Variants in SPECC1 observed in about 807,000 individuals in gnomAD.
SPECC1 encodes the protein cytospin-B.
A neutral mutation model predicts 104.1 loss-of-function variants in SPECC1; 62 were observed. The observed-to-expected ratio is 0.60, with a 90% CI of 0.49 to 0.74. The LOEUF (loss-of-function observed/expected upper bound fraction) is 0.74. SPECC1 is among the 30% of genes least tolerant of loss of function. SPECC1 has a pLI of 0.00. For synonymous variants in SPECC1, 513 were observed against 501.6 expected (o/e 1.02, Z -0.30); for missense variants, 1,306 against 1,310.5 (o/e 1.00, Z 0.05).
At chr17:20,060,422 G>A (rs2046141772) in intron 1 of SPECC1, among the ~76,000 whole-genome samples, 1 of 152,152 alleles carries the variant, frequency 6.6e-6, no homozygotes, top group South Asian at 2.1e-4. Context: ...TGAGGCAGGA[G>A]GTTTGTTTGA....
At chr17:20,247,401 CGT>C (rs1323123118) in intron 9 of SPECC1, 82 bp downstream of exon 9, 4 of 942,288 alleles carry the variant, frequency 4.2e-6, no homozygotes, top group Non-Finnish European at 6.7e-6. Context: ...TATTAGTGTC[CGT>C]GTGTGTATGT....
Position 20,181,769 on chromosome 17 carries a change from A to G in SPECC1, c.284-22564A>G, listed in dbSNP as rs117036586. On this transcript the variant is annotated intron_variant, in intron 3 of 14. Transcript: ENST00000395527. Reference sequence around the variant, plus strand: ...CATTGGAACGTGAAAAAAAAATTCAATTCACAAATACCATAAAATATCTAG... The same window carrying G: ...CATTGGAACGTGAAAAAAAAATTCAGTTCACAAATACCATAAAATATCTAG... 9.2e-3 allele frequency among the ~76,000 whole-genome samples: 1,404 copies of G among 152,310 alleles called. 16 individuals are homozygous for G. Among genetic ancestry groups the G allele is most frequent in the Non-Finnish European group, 0.014 (952 of 68,012 alleles).
chr17:20,217,053 G>T (rs2037536409), intron 4 of SPECC1, among the ~76,000 whole-genome samples: 1 of 152,152 alleles, frequency 6.6e-6, no homozygotes, highest in Non-Finnish European at 1.5e-5. Flanking sequence ...GACCAGCAAT[G>T]TGAATAGGGC....
At chr17:20,048,235 G>A (rs910205434) in intron 1 of SPECC1, among the ~76,000 whole-genome samples, 1 of 150,930 alleles carries the variant, frequency 6.6e-6, no homozygotes, top group African/African-American at 2.4e-5. Context: ...CTGGGTTCAC[G>A]CCATTCTCCT....
chr17:20,205,243 A>T lies in SPECC1; in HGVS notation c.1194A>T (p.Leu398Phe). The change falls in exon 4 of 15, where the codon TTA becomes TTT. Residue 398 changes from leucine (L) to phenylalanine (F), a missense_variant. Physicochemically the swap from Leu to Phe is conservative, Grantham distance 22. Around this residue, in one of 2 missense-constraint regions of SPECC1, gnomAD observed 1,177 missense variants for 1,139.9 expected, o/e 1.03. Transcript: ENST00000395527. ...AEELQATLQE[L>F]SDQQQMVQEL... is the part of the protein sequence containing the mutation. Reference sequence around the variant, plus strand: ...AACTACAGGCTACTCTACAAGAATTATCAGACCAGCAACAAATGGTACAGG... The same window carrying T: ...AACTACAGGCTACTCTACAAGAATTTTCAGACCAGCAACAAATGGTACAGG... 1 of 1,614,180 alleles carries T rather than the reference A, an allele frequency of 6.2e-7. No homozygotes were observed. The highest frequency in any genetic ancestry group is 8.5e-7 in the Non-Finnish European group (1 of 1,180,036).
intron 3 of SPECC1, among the ~76,000 whole-genome samples, chr17:20,145,781 C>T (rs2031396469): frequency 6.6e-6 from 1 of 152,066 alleles, no homozygotes; most frequent in South Asian, 2.1e-4. Flanking sequence ...CCCTGGCAGG[C>T]AGGAAGGAAG....
intron 3 of SPECC1, among the ~76,000 whole-genome samples, chr17:20,181,338 T>A (rs995745590): frequency 6.6e-5 from 10 of 151,948 alleles, no homozygotes; most frequent in Non-Finnish European, 1.2e-4. Context: ...GTAGAGAAGA[T>A]AAATAAGAAC....
At chr17:20,205,953 G>A (rs774007512) in intron 4 of SPECC1, 41 bp downstream of exon 4, 2 of 1,563,448 alleles carry the variant, frequency 1.3e-6, no homozygotes, top group Non-Finnish European at 1.7e-6. Flanking sequence ...GCTCATCCTT[G>A]TTCACATTTC....
chr17:20,277,468 C>T (rs773384864), intron 12 of SPECC1, among the ~76,000 whole-genome samples: 1 of 152,140 alleles, frequency 6.6e-6, no homozygotes, highest in Non-Finnish European at 1.5e-5. Context: ...AAATGAAGTT[C>T]ACTTAGCTCC....
intron 12 of SPECC1, among the ~76,000 whole-genome samples, chr17:20,294,351 A>T (rs914249779): frequency 6.6e-6 from 1 of 152,122 alleles, no homozygotes; most frequent in African/African-American, 2.4e-5. Flanking sequence ...ATCCCGATGG[A>T]GGAGCTTCTT....
intron 7 of SPECC1, 21 bp downstream of exon 7, chr17:20,232,426 G>A (rs1567967863): frequency 1.9e-6 from 3 of 1,583,108 alleles, no homozygotes; most frequent in East Asian, 2.3e-5. Flanking sequence ...TGGGCACCAG[G>A]GCCGTGCTTG....
chr17:20,024,157 A>T (rs190783522), intron 1 of SPECC1, among the ~76,000 whole-genome samples: 1 of 152,360 alleles, frequency 6.6e-6, no homozygotes, highest in East Asian at 1.9e-4. Flanking sequence ...GTAGCTATAT[A>T]ATCGTCTTGA....
chr17:20,015,959 C>A (rs1226518352), intron 1 of SPECC1, among the ~76,000 whole-genome samples: 1 of 149,488 alleles, frequency 6.7e-6, no homozygotes, highest in African/African-American at 2.4e-5. Flanking sequence ...CGTCTGTAAT[C>A]CCAGCACTTT....
At chr17:20,033,195 C>G (rs576944709) in intron 1 of SPECC1, among the ~76,000 whole-genome samples, 36 of 152,116 alleles carry the variant, frequency 2.4e-4, no homozygotes, top group Admixed American at 3.9e-4. Context: ...AACTCCTGAC[C>G]TAGGGTGATC....
intron 12 of SPECC1, among the ~76,000 whole-genome samples, chr17:20,288,169 C>T (rs1199652927): frequency 6.6e-6 from 1 of 152,132 alleles, no homozygotes; most frequent in Non-Finnish European, 1.5e-5. Flanking sequence ...ATATGTACCA[C>T]ATTTTCTTTA....
chr17:20,125,137 G>A (rs112505564), intron 3 of SPECC1, among the ~76,000 whole-genome samples: 2 of 152,222 alleles, frequency 1.3e-5, no homozygotes, highest in African/African-American at 2.4e-5. Flanking sequence ...CCGAGATCGC[G>A]CCACTGCACT....
chr17:20,256,083 T>C (rs537549848), intron 10 of SPECC1, among the ~76,000 whole-genome samples: 98 of 151,920 alleles, frequency 6.5e-4, no homozygotes, highest in Middle Eastern at 3.4e-3. Flanking sequence ...TTCACCGTGT[T>C]AGCCAGGATG....
chr17:20,136,987 T>C (rs2030068648), intron 3 of SPECC1, among the ~76,000 whole-genome samples: 1 of 152,228 alleles, frequency 6.6e-6, no homozygotes, highest in Non-Finnish European at 1.5e-5. Context: ...GCAAAGACCA[T>C]TTTTGGATGT....
chr17:20,071,818 C>G (rs1184225850), intron 1 of SPECC1, among the ~76,000 whole-genome samples: 2 of 144,398 alleles, frequency 1.4e-5, no homozygotes, highest in Non-Finnish European at 2.9e-5. Flanking sequence ...GTAAATGACA[C>G]TCAGTCTGAG....
Sources: gnomAD v4.1 joint callset for allele counts (sites outside exome capture counted in the v4.1 genomes callset) on GRCh38, gnomAD v4.1.1 for gene constraint, gnomAD v4.1.1 regional missense constraint, MANE v1.5 for transcripts, NCBI Gene and HGNC (gene_info 2026-07-23, HGNC 2026-07-21) for gene names.